Variants in CRYM observed in about 807,000 individuals in gnomAD.
The protein encoded by CRYM is crystallin mu.
In CRYM, 18 loss-of-function variants were observed where a neutral mutation model predicts 32.9. The observed-to-expected ratio is 0.55, with a 90% CI of 0.38 to 0.81. CRYM has a LOEUF of 0.81. Ranked by LOEUF, CRYM falls within the 30% of genes least tolerant of loss-of-function variation. The probability of loss-of-function intolerance (pLI) is 0.00; values close to 1 mark genes in which losing one functional copy is unlikely to be tolerated. For missense variants in CRYM, 337 were observed against 393.5 expected (o/e 0.86, Z 1.21); for synonymous variants, 153 against 152.4 (o/e 1.00, Z -0.03).
At chr16:21,262,537 TA>T (rs2093356448) in intron 5 of CRYM, among the ~76,000 whole-genome samples, 1 of 152,064 alleles carries the variant, frequency 6.6e-6, no homozygotes, top group Non-Finnish European at 1.5e-5. Context: ...GAGAATTGCT[TA>T]AACCTGGGAG....
At chr16:21,260,838 C>G (rs73539733) in intron 7 of CRYM, among the ~76,000 whole-genome samples, 1,919 of 152,328 alleles carry the variant, frequency 0.013, 41 homozygotes, top group African/African-American at 0.042. Context: ...CAGGTTGGGT[C>G]TCTGCCATTT....
chr16:21,259,468 T>C (rs920919082), intron 7 of CRYM, among the ~76,000 whole-genome samples: 5 of 151,964 alleles, frequency 3.3e-5, no homozygotes, highest in African/African-American at 9.7e-5. Flanking sequence ...GGCCACAGGG[T>C]CTCTATTACA....
chr16:21,269,201 CTAA>C (rs1460474784), intron 4 of CRYM, among the ~76,000 whole-genome samples: 1 of 151,232 alleles, frequency 6.6e-6, no homozygotes, highest in Non-Finnish European at 1.5e-5. Context: ...TTGCACTCAC[CTAA>C]TAGTCTATAT....
At chr16:21,284,221 G>C (rs187481228) in intron 1 of CRYM, 1 of 151,722 alleles carries the variant, frequency 6.6e-6, no homozygotes, top group Non-Finnish European at 1.5e-5. Flanking sequence ...AGTCTGACTT[G>C]AGGCAACGTG....
Position 21,267,612 on chromosome 16 carries a change from G to A in CRYM, c.615C>T (p.Thr205=). The change falls in exon 5 of 8, where the codon ACC becomes ACT. Residue 205 remains threonine (T), a synonymous_variant. Coordinates refer to ENST00000572914, the MANE Select transcript of CRYM (RefSeq NM_001376256.1). Reference sequence around the variant, plus strand: ...CAAACAAAATGGGCTCTGTTGCCAGGGTGACTGTGATGATCACATCTGCAC... The same window carrying A: ...CAAACAAAATGGGCTCTGTTGCCAGAGTGACTGTGATGATCACATCTGCAC... ...VAGADVIITV[T]LATEPILFGE... 6.2e-7 allele frequency: 1 copy of A among 1,614,100 alleles called. No homozygotes were observed. Among genetic ancestry groups the A allele is most frequent in the Non-Finnish European group, 8.5e-7 (1 of 1,180,008 alleles).
intron 1 of CRYM, chr16:21,284,215 TGAC>T (rs1490214809): frequency 6.6e-6 from 1 of 152,174 alleles, no homozygotes; most frequent in East Asian, 1.9e-4. Flanking sequence ...GGTGCTAGTC[TGAC>T]TTGAGGCAAC....
chr16:21,269,781 T>G lies in CRYM; in HGVS notation c.489+9A>C. The G allele has an allele frequency of 9.2e-6, 3 of 327,586 alleles. No homozygotes were observed. The highest frequency in any genetic ancestry group is 1.5e-5 in the Non-Finnish European group (3 of 196,276). 20.3% of individuals were successfully genotyped at this position (327,586 alleles called of 1,614,324 possible). A position where few individuals can be genotyped will look rare whatever the true frequency, so the allele number is the denominator to read the frequency against. The stretch of plus-strand genomic sequence containing the variant: ...CCCTCTTCTCTCCCACCCCCACCCC[T>G]GGACTTACCTCCTTAAAGGAGAACT... On this transcript the variant is annotated intron_variant, in intron 4 of 7. Transcript: ENST00000572914.
intron 1 of CRYM, chr16:21,301,437 G>T (rs1285618943): frequency 6.7e-6 from 1 of 149,724 alleles, no homozygotes. Flanking sequence ...GAGGTGGGTG[G>T]GAGCATGAGA....
chr16:21,290,162 C>T (rs1015081997), intron 1 of CRYM, among the ~76,000 whole-genome samples: 29 of 152,244 alleles, frequency 1.9e-4, no homozygotes, highest in Non-Finnish European at 5.9e-5. Flanking sequence ...GTCGGATCCC[C>T]TTCCATGCTG....
chr16:21,291,435 C>G (rs909097380), intron 1 of CRYM, among the ~76,000 whole-genome samples: 1 of 152,080 alleles, frequency 6.6e-6, no homozygotes, highest in African/African-American at 2.4e-5. Context: ...TGAATCTTGA[C>G]AATAACTCAA....
chr16:21,285,245 G>T (rs1328220439), intron 1 of CRYM, among the ~76,000 whole-genome samples: 1 of 152,176 alleles, frequency 6.6e-6, no homozygotes, highest in Admixed American at 6.5e-5. Context: ...ATAAAACACA[G>T]TGGGCATAGT....
At position 21,261,347 on chromosome 16, in the gene CRYM, C is replaced by CA. The variant is rs1247966142; in HGVS notation, c.796-10dup. ...TCAGCAAAGATCTCGGCCTAGGAAACAAACATACGCTGACCCAGGCATGAA... is the reference window on the plus strand; with the variant it reads ...TCAGCAAAGATCTCGGCCTAGGAAACAAAACATACGCTGACCCAGGCATGAA... On this transcript the variant is annotated splice_polypyrimidine_tract_variant and intron_variant, in intron 6 of 7. Transcript: ENST00000572914. The CA allele has an allele frequency of 6.2e-7, 1 of 1,610,040 alleles. No individual in the cohort carries two copies. Among genetic ancestry groups the CA allele is most frequent in the Non-Finnish European group, 8.5e-7 (1 of 1,177,690 alleles).
At chr16:21,261,470 A>C in intron 6 of CRYM, 132 bp from the exon 7 acceptor site, 1 of 710,026 alleles carries the variant, frequency 1.4e-6, no homozygotes, top group Non-Finnish European at 2.4e-6. Flanking sequence ...AAAAAGAGAG[A>C]GATCCTTTGT....
At chr16:21,262,852 G>A (rs962925968) in intron 5 of CRYM, among the ~76,000 whole-genome samples, 88 of 152,242 alleles carry the variant, frequency 5.8e-4, no homozygotes, top group African/African-American at 2.1e-3. Context: ...TGTTTGCCAA[G>A]GTTAAGGATC....
chr16:21,301,927 G>T (rs1416120770), intron 1 of CRYM, among the ~76,000 whole-genome samples: 1 of 152,194 alleles, frequency 6.6e-6, no homozygotes, highest in African/African-American at 2.4e-5. Flanking sequence ...TTCTTCTGCC[G>T]GCGTCCCCCT....
In CRYM at chr16:21,297,286, C is replaced by T. The variant is rs567545063; in HGVS notation, c.-193+5692G>A. 8.3e-4 allele frequency among the ~76,000 whole-genome samples: 126 copies of T among 152,022 alleles called. 1 individual carries two copies. Among genetic ancestry groups the T allele is most frequent in the Non-Finnish European group, 1.1e-3 (77 of 67,966 alleles). ...GCACATGCATGTAATCCAAGCTACT[C>T]GGGAGGCTGAGGCATGACCATTGCT... is the stretch of plus-strand genomic sequence containing the variant. On this transcript the variant is annotated intron_variant, in intron 1 of 9. Transcript: ENST00000219599.
chr16:21,267,514 G>A, intron 5 of CRYM, 40 bp downstream of exon 5: 6 of 1,604,578 alleles, frequency 3.7e-6, no homozygotes, highest in Non-Finnish European at 5.1e-6. Context: ...AGAGGAGCCT[G>A]GCCACCACCC....
chr16:21,301,319 C>T (rs1301094690), intron 1 of CRYM: 12 of 152,014 alleles, frequency 7.9e-5, no homozygotes, highest in African/African-American at 2.9e-4. Context: ...CTGAAGACGA[C>T]CCAAAAGGGT....
intron 1 of CRYM, among the ~76,000 whole-genome samples, chr16:21,287,372 C>G (rs750121686): frequency 3.3e-5 from 5 of 152,156 alleles, no homozygotes; most frequent in Non-Finnish European, 5.9e-5. Context: ...GTCTTCATCC[C>G]TTGTTCCTGG....
Sources: gnomAD v4.1 joint callset for allele counts (sites outside exome capture counted in the v4.1 genomes callset) on GRCh38, gnomAD v4.1.1 for gene constraint, MANE v1.5 for transcripts, NCBI Gene and HGNC (gene_info 2026-07-23, HGNC 2026-07-21) for gene names.